TENM2: variants seen among roughly 807,000 people sequenced by gnomAD.
The protein encoded by TENM2 is teneurin transmembrane protein 2.
In TENM2, 52 loss-of-function variants were observed where a neutral mutation model predicts 245.2. That is an observed-to-expected ratio of 0.21 (90% CI 0.17 to 0.27). TENM2 has a LOEUF of 0.27. Among genes scored for constraint, TENM2 ranks in the 10% least tolerant of loss-of-function variants. The pLI is 1.00. For synonymous variants in TENM2, 1,363 were observed against 1,438.9 expected (o/e 0.95, Z 1.19); for missense variants, 3,046 against 3,666.8 (o/e 0.83, Z 4.37).
At chr5:167,466,190 C>G (rs1038082077) in intron 2 of TENM2, among the ~76,000 whole-genome samples, 8 of 152,146 alleles carry the variant, frequency 5.3e-5, no homozygotes, top group African/African-American at 1.9e-4. Context: ...CTGAAAGGTC[C>G]TAAGGATAGT....
intron 5 of TENM2, among the ~76,000 whole-genome samples, chr5:168,002,711 C>T (rs867568364): frequency 3.9e-5 from 6 of 152,186 alleles, no homozygotes; most frequent in South Asian, 4.1e-4. Flanking sequence ...CTCTTTTTCC[C>T]GTGAAGAAAA....
intron 3 of TENM2, among the ~76,000 whole-genome samples, chr5:167,951,885 C>T (rs1338384004): frequency 6.6e-6 from 1 of 151,920 alleles, no homozygotes; most frequent in Non-Finnish European, 1.5e-5. Context: ...TGTGTGTATA[C>T]ACACATACAT....
intron 2 of TENM2, among the ~76,000 whole-genome samples, chr5:167,446,789 A>G (rs1437044471): frequency 1.2e-5 from 1 of 80,108 alleles, no homozygotes; most frequent in Non-Finnish European, 2.4e-5. Context: ...AGTTTTTGAA[A>G]CACGCACACA....
chr5:167,482,226 A>T (rs147662329), intron 2 of TENM2, among the ~76,000 whole-genome samples: 1 of 152,208 alleles, frequency 6.6e-6, no homozygotes, highest in African/African-American at 2.4e-5. Flanking sequence ...TCTCTAGACT[A>T]TTTTTTTAAA....
At chr5:167,300,606 T>A (rs1359281279) in intron 1 of TENM2, among the ~76,000 whole-genome samples, 1 of 152,140 alleles carries the variant, frequency 6.6e-6, no homozygotes, top group Non-Finnish European at 1.5e-5. Context: ...CAGGCTCTAA[T>A]CCTTTTAAAG....
intron 1 of TENM2, among the ~76,000 whole-genome samples, chr5:167,356,216 A>AAAAAAAAAAAAAAAAAAAAG (rs1412322682): frequency 1.5e-5 from 2 of 134,400 alleles, no homozygotes; most frequent in African/African-American, 6.4e-5. Flanking sequence ...AAAAAAAAAA[A>AAAAAAAAAAAAAAAAAAAAG]AAAAATTAAA....
chr5:168,183,115 C>T (rs1760074690), intron 13 of TENM2, among the ~76,000 whole-genome samples: 1 of 152,134 alleles, frequency 6.6e-6, no homozygotes, highest in Non-Finnish European at 1.5e-5. Context: ...CAGGCGTGAG[C>T]CACCGCCCCC....
intron 2 of TENM2, among the ~76,000 whole-genome samples, chr5:167,523,980 G>T (rs1770939594): frequency 6.6e-6 from 1 of 152,098 alleles, no homozygotes; most frequent in South Asian, 2.1e-4. Flanking sequence ...GAGTATCTTG[G>T]AGATAATGGT....
intron 2 of TENM2, among the ~76,000 whole-genome samples, chr5:167,738,530 G>A (rs1760960384): frequency 6.6e-6 from 1 of 152,170 alleles, no homozygotes; most frequent in Admixed American, 6.5e-5. Context: ...TGCAGCCCTA[G>A]TGTCTTAAAC....
At chr5:167,059,571 A>G in the TENM2 span, among the ~76,000 whole-genome samples, 1 of 152,166 alleles carries the variant, frequency 6.6e-6, no homozygotes. Context: ...CCCCAAAGGC[A>G]TTCAGAATTG....
chr5:167,898,143 A>G (rs1583309153), intron 3 of TENM2, among the ~76,000 whole-genome samples: 1 of 152,114 alleles, frequency 6.6e-6, no homozygotes, highest in African/African-American at 2.4e-5. Flanking sequence ...TCCATAAACC[A>G]CCTTTGGATG....
chr5:167,239,556 T>C, the TENM2 span, among the ~76,000 whole-genome samples: 1 of 152,158 alleles, frequency 6.6e-6, no homozygotes, highest in Non-Finnish European at 1.5e-5. Flanking sequence ...TACCTATGTT[T>C]ATCCCAGAAT....
At chr5:167,389,182 C>T (rs1009731263) in intron 2 of TENM2, among the ~76,000 whole-genome samples, 9 of 150,390 alleles carry the variant, frequency 6.0e-5, no homozygotes, top group East Asian at 5.9e-4. Context: ...TATAGATATA[C>T]GTTTGTATTA....
At chr5:167,990,679 A>G (rs1783600027) in intron 4 of TENM2, among the ~76,000 whole-genome samples, 1 of 152,206 alleles carries the variant, frequency 6.6e-6, no homozygotes, top group Admixed American at 6.5e-5. Context: ...AAAAAGAGCC[A>G]TTGGACAAGG....
chr5:167,204,682 G>T, the TENM2 span, among the ~76,000 whole-genome samples: 9 of 148,602 alleles, frequency 6.1e-5, no homozygotes, highest in African/African-American at 2.2e-4. Context: ...ATGTCAGAGA[G>T]AAGGGAACAG....
At chr5:167,465,877 A>G (rs547418294) in intron 2 of TENM2, among the ~76,000 whole-genome samples, 2 of 152,172 alleles carry the variant, frequency 1.3e-5, no homozygotes, top group East Asian at 3.9e-4. Flanking sequence ...TCACAAAACT[A>G]CACTATGAGA....
chr5:167,844,628 A>G (rs1041199026), intron 2 of TENM2, among the ~76,000 whole-genome samples: 4 of 152,182 alleles, frequency 2.6e-5, no homozygotes, highest in Non-Finnish European at 5.9e-5. Context: ...TGCACCTGCT[A>G]TAAGATGGCA....
At chr5:168,104,526 G>A (rs1794088680) in intron 9 of TENM2, among the ~76,000 whole-genome samples, 1 of 152,086 alleles carries the variant, frequency 6.6e-6, no homozygotes, top group African/African-American at 2.4e-5. Flanking sequence ...TAGCAAGAGA[G>A]ACTCCCATCA....
Position 167,495,843 on chromosome 5 carries a change from A to T in TENM2, c.502+120370A>T, listed in dbSNP as rs1182419044. 5.9e-5 allele frequency among the ~76,000 whole-genome samples: 9 copies of T among 152,248 alleles called. No homozygotes were observed. In the South Asian group the frequency reaches 1.2e-3, roughly 21 times the overall value. ...AAATGTTTTAAATTACTCTAACATT[A>T]TATAGTCAGTATAAAATATTTTGCA... On this transcript the variant is annotated intron_variant, in intron 2 of 28. Transcript: ENST00000518659.
Sources: gnomAD v4.1 joint callset for allele counts (sites outside exome capture counted in the v4.1 genomes callset) on GRCh38, gnomAD v4.1.1 for gene constraint, MANE v1.5 for transcripts, NCBI Gene and HGNC (gene_info 2026-07-23, HGNC 2026-07-21) for gene names.